Variants in PDE1C observed in about 807,000 individuals in gnomAD.
PDE1C encodes the protein phosphodiesterase 1C.
Under a neutral mutation model 93.1 loss-of-function variants are expected in PDE1C, and 62 were observed. The observed-to-expected ratio is 0.67, with a 90% CI of 0.54 to 0.82. PDE1C has a LOEUF of 0.82. PDE1C is among the 40% of genes least tolerant of loss of function. The pLI is 0.00. For missense variants in PDE1C, 742 were observed against 884.6 expected, an observed-to-expected ratio of 0.84 and a Z score of 2.04; for synonymous variants, 325 against 310.1, an observed-to-expected ratio of 1.05 and a Z score of -0.50.
intron 6 of PDE1C, among the ~76,000 whole-genome samples, chr7:31,866,053 A>T (rs1795259135): frequency 6.6e-6 from 1 of 152,174 alleles, no homozygotes; most frequent in African/African-American, 2.4e-5. Flanking sequence ...ACAGCGAAGA[A>T]CATTGCAAAA....
intron 2 of PDE1C, among the ~76,000 whole-genome samples, chr7:32,186,088 T>G (rs1283910631): frequency 6.1e-3 from 93 of 15,142 alleles, no homozygotes; most frequent in African/African-American, 0.038. Flanking sequence ...TGTTTTTTTG[T>G]TTTTTTTTTT....
intron 2 of PDE1C, among the ~76,000 whole-genome samples, chr7:31,901,404 A>T (rs1388002982): frequency 6.6e-6 from 1 of 151,430 alleles, no homozygotes; most frequent in East Asian, 1.9e-4. Flanking sequence ...GCCAAAGTAT[A>T]TATCTAGGAA....
At chr7:32,215,270 C>T (rs774687464) in intron 1 of PDE1C, among the ~76,000 whole-genome samples, 1 of 152,220 alleles carries the variant, frequency 6.6e-6, no homozygotes, top group Non-Finnish European at 1.5e-5. Context: ...GGGATCTAGG[C>T]TGCATGTGCC....
At chr7:31,631,153 C>G in the PDE1C span, among the ~76,000 whole-genome samples, 1 of 152,066 alleles carries the variant, frequency 6.6e-6, no homozygotes, top group South Asian at 2.1e-4. Context: ...GAAAATAATA[C>G]TACCTAAGCC....
intron 2 of PDE1C, among the ~76,000 whole-genome samples, chr7:31,978,491 G>A (rs1285336334): frequency 6.6e-6 from 1 of 152,158 alleles, no homozygotes; most frequent in Non-Finnish European, 1.5e-5. Context: ...CTCAGAAGTG[G>A]GTCTTCTAAC....
intron 2 of PDE1C, among the ~76,000 whole-genome samples, chr7:32,177,625 A>G (rs1803101589): frequency 6.6e-6 from 1 of 152,176 alleles, no homozygotes; most frequent in African/African-American, 2.4e-5. Flanking sequence ...GACCACTGAC[A>G]TTATCCAACT....
intron 1 of PDE1C, among the ~76,000 whole-genome samples, chr7:32,231,339 A>G (rs551264427): frequency 1.2e-3 from 179 of 152,282 alleles, no homozygotes; most frequent in African/African-American, 3.9e-3. Flanking sequence ...GCGCACGTGC[A>G]CACACACCTT....
intron 3 of PDE1C, among the ~76,000 whole-genome samples, chr7:32,125,375 C>T (rs751845364): frequency 1.4e-4 from 22 of 152,020 alleles, no homozygotes; most frequent in African/African-American, 5.3e-4. Context: ...TGGGTATATA[C>T]CCAAAAGAAT....
At chr7:31,710,878 A>T in the PDE1C span, among the ~76,000 whole-genome samples, 2 of 152,354 alleles carry the variant, frequency 1.3e-5, no homozygotes, top group African/African-American at 4.8e-5. Flanking sequence ...AATGGCCTTC[A>T]TCCTTGACCC....
chr7:32,166,457 A>G (rs1422856635), intron 3 of PDE1C, among the ~76,000 whole-genome samples: 1 of 152,164 alleles, frequency 6.6e-6, no homozygotes, highest in African/African-American at 2.4e-5. Flanking sequence ...CCCTGGAAGC[A>G]TGCTCCCAAG....
At chr7:32,418,588 G>A (rs1293847848) in intron 1 of PDE1C, among the ~76,000 whole-genome samples, 1 of 152,074 alleles carries the variant, frequency 6.6e-6, no homozygotes, top group Non-Finnish European at 1.5e-5. Context: ...AGATACGGCA[G>A]CACACATTTC....
At chr7:32,077,918 C>T (rs969049703) in intron 3 of PDE1C, 41 of 985,268 alleles carry the variant, frequency 4.2e-5, no homozygotes, top group Non-Finnish European at 4.9e-5. Context: ...CTGCCAGCTT[C>T]CCTCCGGCTG....
intron 2 of PDE1C, among the ~76,000 whole-genome samples, chr7:31,891,895 C>T (rs556257011): frequency 2.0e-5 from 3 of 152,060 alleles, no homozygotes; most frequent in African/African-American, 7.2e-5. Context: ...ATGCTAATAT[C>T]AGTATCTTGG....
At chr7:31,849,987 G>C (rs1793128595) in intron 8 of PDE1C, among the ~76,000 whole-genome samples, 1 of 152,120 alleles carries the variant, frequency 6.6e-6, no homozygotes, top group African/African-American at 2.4e-5. Context: ...AACAGTATCT[G>C]TTACAGGTCA....
the PDE1C span, among the ~76,000 whole-genome samples, chr7:31,671,949 A>C: frequency 6.6e-6 from 1 of 152,234 alleles, no homozygotes; most frequent in Non-Finnish European, 1.5e-5. Context: ...TGTGTGATGG[A>C]AATGTCCCTT....
intron 16 of PDE1C, among the ~76,000 whole-genome samples, chr7:31,776,137 T>A (rs1459551335): frequency 6.6e-6 from 1 of 152,208 alleles, no homozygotes; most frequent in Non-Finnish European, 1.5e-5. Flanking sequence ...TGGAGGACTA[T>A]CTGAAGAAGG....
chr7:32,330,860 T>C (rs1043222908), intron 1 of PDE1C, among the ~76,000 whole-genome samples: 40 of 152,214 alleles, frequency 2.6e-4, no homozygotes, highest in African/African-American at 9.2e-4. Context: ...TCGCATCTGC[T>C]AAGTGAGGAG....
rs181684221 is a variant in PDE1C, at chr7:32,270,567, A to G, written c.85+28084T>C. On this transcript the variant is annotated intron_variant, in intron 1 of 18. Transcript: ENST00000396193. ...TTGCTGTGAGGAAAGGACTTTGTACAGGACAAGTTGAAACTCTACGTGTAA... is the reference window on the plus strand; with the variant it reads ...TTGCTGTGAGGAAAGGACTTTGTACGGGACAAGTTGAAACTCTACGTGTAA... 1.4e-4 allele frequency among the ~76,000 whole-genome samples: 22 copies of G among 152,350 alleles called. No homozygotes were observed. In the East Asian group the frequency reaches 3.9e-3, roughly 27 times the overall value.
At chr7:31,741,035 C>G in the PDE1C span, among the ~76,000 whole-genome samples, 1 of 147,214 alleles carries the variant, frequency 6.8e-6, no homozygotes, top group African/African-American at 2.5e-5. Context: ...GCACTCCAGC[C>G]TGGCCAACAG....
Sources: gnomAD v4.1 joint callset for allele counts (sites outside exome capture counted in the v4.1 genomes callset) on GRCh38, gnomAD v4.1.1 for gene constraint, MANE v1.5 for transcripts, NCBI Gene and HGNC (gene_info 2026-07-23, HGNC 2026-07-21) for gene names.